The following ATP2B1 variants were observed in gnomAD, a reference collection of about 807,000 sequenced individuals.
ATP2B1 encodes ATPase plasma membrane Ca2+ transporting 1.
A neutral mutation model predicts 124.2 loss-of-function variants in ATP2B1; 14 were observed. That is an observed-to-expected ratio of 0.11 (90% CI 0.07 to 0.18). The LOEUF is 0.18. ATP2B1 is among the 10% of genes least tolerant of loss of function. ATP2B1 has a pLI of 1.00. For synonymous variants in ATP2B1, 449 were observed against 492.4 expected, an observed-to-expected ratio of 0.91 and a Z score of 1.17; for missense variants, 763 against 1,466.1, an observed-to-expected ratio of 0.52 and a Z score of 7.83.
intron 1 of ATP2B1, among the ~76,000 whole-genome samples, chr12:89,701,443 G>C (rs927500931): frequency 3.3e-5 from 5 of 152,130 alleles, no homozygotes; most frequent in African/African-American, 4.8e-5. Flanking sequence ...CAAATGTTCA[G>C]GTACTATTTT....
intron 1 of ATP2B1, among the ~76,000 whole-genome samples, chr12:89,664,646 A>C (rs927297162): frequency 6.6e-6 from 1 of 152,158 alleles, no homozygotes; most frequent in Admixed American, 6.5e-5. Context: ...CCTGAGCCTC[A>C]CTCAGTTGAT....
At chr12:89,619,364 C>A (rs1288240858) in intron 11 of ATP2B1, among the ~76,000 whole-genome samples, 1 of 152,126 alleles carries the variant, frequency 6.6e-6, no homozygotes, top group Admixed American at 6.5e-5. Flanking sequence ...GTAATCCCAG[C>A]ACTTTGGGAG....
At chr12:89,672,764 A>T (rs1014260287) in intron 1 of ATP2B1, among the ~76,000 whole-genome samples, 1 of 152,124 alleles carries the variant, frequency 6.6e-6, no homozygotes. Flanking sequence ...ACTCAAACTT[A>T]TGACTATAGA....
At chr12:89,620,286 A>G in intron 10 of ATP2B1, 46 bp from the exon 11 acceptor site, 1 of 1,594,550 alleles carries the variant, frequency 6.3e-7, no homozygotes, top group Non-Finnish European at 8.6e-7. Flanking sequence ...TTTCTCTAAG[A>G]ACGTTTAATT....
intron 1 of ATP2B1, among the ~76,000 whole-genome samples, chr12:89,671,696 C>T (rs11105363): frequency 6.6e-5 from 10 of 151,800 alleles, no homozygotes; most frequent in South Asian, 2.1e-4. Context: ...CTAATTATAA[C>T]GTGGTTTCCC....
chr12:89,614,682 T>G (rs969765415), intron 12 of ATP2B1, among the ~76,000 whole-genome samples: 2 of 152,230 alleles, frequency 1.3e-5, no homozygotes, highest in African/African-American at 2.4e-5. Context: ...CATCAGTGAT[T>G]TCTTCAGACT....
intron 2 of ATP2B1, among the ~76,000 whole-genome samples, chr12:89,649,855 T>C (rs761077512): frequency 1.3e-5 from 2 of 152,208 alleles, no homozygotes; most frequent in Non-Finnish European, 2.9e-5. Flanking sequence ...CCCTTGGTGA[T>C]AAGTGAGTTC....
chr12:89,646,950 C>T (rs911728664), intron 2 of ATP2B1, among the ~76,000 whole-genome samples: 1 of 151,998 alleles, frequency 6.6e-6, no homozygotes, highest in African/African-American at 2.4e-5. Context: ...GGTAAGCCTT[C>T]GAAGGGGCCA....
chr12:89,621,316 C>T (rs763736359), intron 10 of ATP2B1, among the ~76,000 whole-genome samples: 19 of 152,014 alleles, frequency 1.2e-4, no homozygotes, highest in Admixed American at 5.2e-4. Context: ...TGGAGAGTTT[C>T]TGAACACAGG....
chr12:89,594,595 A>G (rs996126533), intron 20 of ATP2B1: 2 of 1,050 alleles, frequency 1.9e-3, no homozygotes, highest in Non-Finnish European at 0.017. Flanking sequence ...TTCAACAGAG[A>G]AAAAAAAAAA....
chr12:89,648,816 G>A (rs937405714), intron 2 of ATP2B1, among the ~76,000 whole-genome samples: 1 of 152,252 alleles, frequency 6.6e-6, no homozygotes, highest in African/African-American at 2.4e-5. Flanking sequence ...GCTAGGCCCA[G>A]GGTGCAGCTG....
chr12:89,616,236 G>A (rs538652768), intron 12 of ATP2B1, among the ~76,000 whole-genome samples: 1 of 152,030 alleles, frequency 6.6e-6, no homozygotes, highest in South Asian at 2.1e-4. Flanking sequence ...ACTTAAAAAA[G>A]GTGAAAAACC....
rs569259627 is a variant in ATP2B1 at position 89,596,557 on chromosome 12, C to T, written c.3351+2560G>A. On this transcript the variant is annotated intron_variant, in intron 20 of 20. Transcript: ENST00000428670. The stretch of plus-strand genomic sequence containing the variant: ...TTGGATAATAAAGTATGATTATATA[C>T]GGGAATTCTTAGGTACATGCTGAAG... Among the ~76,000 whole-genome samples the T allele has an allele frequency of 5.3e-5, 8 of 152,144 alleles. No individual in the cohort carries two copies. In the South Asian group the frequency reaches 6.2e-4, roughly 12 times the overall value.
chr12:89,693,943 C>T (rs1264912476), intron 1 of ATP2B1, among the ~76,000 whole-genome samples: 3 of 152,138 alleles, frequency 2.0e-5, no homozygotes, highest in Non-Finnish European at 4.4e-5. Context: ...CACCTCTCTC[C>T]ATTCTTCTTC....
chr12:89,662,137 C>CT (rs74395562), intron 1 of ATP2B1, among the ~76,000 whole-genome samples: 2,765 of 139,174 alleles, frequency 0.02, 76 homozygotes, highest in African/African-American at 0.066. Context: ...ATCTTTCTTT[C>CT]TTTTTTTTTT....
intron 6 of ATP2B1, among the ~76,000 whole-genome samples, chr12:89,629,693 A>T (rs1399553146): frequency 2.0e-5 from 3 of 152,234 alleles, no homozygotes; most frequent in Non-Finnish European, 4.4e-5. Flanking sequence ...GTGAGAAACA[A>T]CAATATGGGT....
rs570125474 is a variant in ATP2B1, at chr12:89,638,662, GA to G, written c.407-3412del. Among the ~76,000 whole-genome samples the G allele has an allele frequency of 6.6e-4, 100 of 152,148 alleles. No individual in the cohort carries two copies. In the Middle Eastern group the frequency reaches 0.017, roughly 26 times the overall value. Reference sequence around the variant, plus strand: ...TTTTTCATCAAAATGCTATCTATGTGAATATACAATAGATTATTATTTAAAA... The same window carrying G: ...TTTTTCATCAAAATGCTATCTATGTGATATACAATAGATTATTATTTAAAA... On this transcript the variant is annotated intron_variant, in intron 3 of 20. Transcript: ENST00000428670.
intron 8 of ATP2B1, 80 bp downstream of exon 8, chr12:89,626,374 C>A: frequency 6.9e-7 from 1 of 1,439,934 alleles, no homozygotes; most frequent in Non-Finnish European, 9.3e-7. Flanking sequence ...AATTTCCAGC[C>A]TTAAGTGTGT....
At chr12:89,626,765 A>G in intron 7 of ATP2B1, 150 bp from the exon 8 acceptor site, 2 of 853,712 alleles carry the variant, frequency 2.3e-6, no homozygotes, top group East Asian at 2.9e-5. Context: ...GTCTACACAG[A>G]GAAAATAAGA....
Sources: allele counts gnomAD v4.1 joint callset (sites outside exome capture counted in the v4.1 genomes callset), GRCh38; gene constraint gnomAD v4.1.1; transcripts MANE v1.5; gene names NCBI Gene and HGNC (gene_info 2026-07-23, HGNC 2026-07-21).